CMC2: variants seen among roughly 807,000 people sequenced by gnomAD.
CMC2 encodes C-X9-C motif containing 2.
A neutral mutation model predicts 7.5 loss-of-function variants in CMC2; 5 were observed. The observed-to-expected ratio is 0.66, with a 90% CI of 0.35 to 1.40. The LOEUF is 1.40. Ranked by LOEUF, CMC2 falls within the 40% of genes most tolerant of loss-of-function variation. The pLI, the probability that CMC2 is intolerant of heterozygous loss-of-function variation, is 0.04. For synonymous variants in CMC2, 37 were observed against 31.4 expected (o/e 1.18, Z -0.60); for missense variants, 115 against 92.3 (o/e 1.25, Z -1.01).
chr16:80,997,185 A>C, intron 2 of CMC2, 129 bp downstream of exon 2: 1 of 661,246 alleles, frequency 1.5e-6, no homozygotes, highest in Non-Finnish European at 2.7e-6. Flanking sequence ...TCAACTGCTA[A>C]TCTTGACTAA....
rs1912018760 is a variant in CMC2 at position 80,972,774 on chromosome 16, GCA to G, written c.*3317_*3318del. On this transcript the variant is annotated 3_prime_UTR_variant, in exon 4 of 4. Transcript: ENST00000219400. ...AATCTCTTCCTTCACTTGGTATCCTGCACAGACCCTACAATGCCTTCCTGTTG... is the reference window on the plus strand; with the variant it reads ...AATCTCTTCCTTCACTTGGTATCCTGCAGACCCTACAATGCCTTCCTGTTG... The G allele has an allele frequency of 6.6e-6, 1 of 152,142 alleles. No individual in the cohort carries two copies. Among genetic ancestry groups the G allele is most frequent in the African/African-American group, 2.4e-5 (1 of 41,404 alleles). The allele number at this position is 152,142 out of a possible 1,614,324, so 9.4% of individuals were successfully genotyped here.
At chr16:80,996,251 T>A (rs1968406591) in intron 2 of CMC2, among the ~76,000 whole-genome samples, 1 of 152,222 alleles carries the variant, frequency 6.6e-6, no homozygotes, top group African/African-American at 2.4e-5. Context: ...ATAACAAGAC[T>A]GAAATGTTAT....
At chr16:80,994,213 G>A (rs563792649) in intron 2 of CMC2, among the ~76,000 whole-genome samples, 10 of 152,002 alleles carry the variant, frequency 6.6e-5, no homozygotes, top group African/African-American at 2.4e-4. Flanking sequence ...TCTCAGATAA[G>A]AATACACAAA....
At chr16:80,980,869 A>T (rs1378751282) in intron 3 of CMC2, 1 of 699,812 alleles carries the variant, frequency 1.4e-6, no homozygotes, top group Non-Finnish European at 2.6e-6. Context: ...CTTAGGTGAC[A>T]GAGCAAGAAC....
intron 3 of CMC2, among the ~76,000 whole-genome samples, chr16:80,976,838 C>T (rs1431269807): frequency 6.6e-6 from 1 of 152,170 alleles, no homozygotes; most frequent in Non-Finnish European, 1.5e-5. Flanking sequence ...ACCTTTTGCG[C>T]TGAACATTGC....
chr16:80,990,106 C>T (rs1328792441), intron 2 of CMC2, among the ~76,000 whole-genome samples: 2 of 76,026 alleles, frequency 2.6e-5, no homozygotes, highest in East Asian at 3.2e-4. Context: ...CATTCCCTCC[C>T]CTTTTTTTGA....
intron 2 of CMC2, 30 bp downstream of exon 2, chr16:80,997,284 G>C (rs1334690396): frequency 8.4e-7 from 1 of 1,186,236 alleles, no homozygotes; most frequent in Non-Finnish European, 1.3e-6. Context: ...GTTTCATTTT[G>C]GCTGTACAGT....
Position 80,969,239 on chromosome 16 carries a change from G to C in CMC2, c.*6854C>G, listed in dbSNP as rs1319361464. On this transcript the variant is annotated 3_prime_UTR_variant, in exon 4 of 4. Transcript: ENST00000219400. ...CTCATATCCCAAAATACAAATGAGT[G>C]AGGTGAGGACAGAGCATCAAGAGCC... 1 of 152,240 alleles carries C rather than the reference G, an allele frequency of 6.6e-6. No homozygotes were observed. The highest frequency in any genetic ancestry group is 1.5e-5 in the Non-Finnish European group (1 of 68,068). The allele number at this position is 152,240 out of a possible 1,614,324, so 9.4% of individuals were successfully genotyped here.
Position 80,976,030 on chromosome 16 carries a change from T to G in CMC2, c.*63A>C. On this transcript the variant is annotated 3_prime_UTR_variant, in exon 4 of 4. Transcript: ENST00000219400. ...TGGAGACCAAATAAGACAGGATTCT[T>G]TCAGGTATCAACCCAGAGTCTTTAG... 1 of 895,614 alleles carries G rather than the reference T, an allele frequency of 1.1e-6. No individual in the cohort carries two copies. The highest frequency in any genetic ancestry group is 2.5e-5 in the East Asian group (1 of 40,448). 55.5% of individuals were successfully genotyped at this position (895,614 alleles called of 1,614,324 possible). A position where few individuals can be genotyped will look rare whatever the true frequency, so the allele number is the denominator to read the frequency against.
chr16:80,989,606 G>T (rs1050400916), intron 2 of CMC2, among the ~76,000 whole-genome samples: 3 of 152,000 alleles, frequency 2.0e-5, no homozygotes, highest in Non-Finnish European at 4.4e-5. Context: ...ACGGAAGAGC[G>T]GTATTTAAAA....
At chr16:80,986,910 G>C (rs889312789) in intron 2 of CMC2, among the ~76,000 whole-genome samples, 1 of 152,232 alleles carries the variant, frequency 6.6e-6, no homozygotes, top group Non-Finnish European at 1.5e-5. Flanking sequence ...AACCAGGAAA[G>C]CGAATGATTT....
chr16:80,991,910 C>G (rs538771753), intron 2 of CMC2: 17 of 453,942 alleles, frequency 3.7e-5, no homozygotes, highest in Admixed American at 2.6e-4. Flanking sequence ...ATAACAGGAG[C>G]CTAAAGAGTG....
chr16:80,982,959 G>C (rs561096938), intron 2 of CMC2: 138 of 184,984 alleles, frequency 7.5e-4, no homozygotes, highest in African/African-American at 3.2e-3. Flanking sequence ...GGAAAAAGTT[G>C]AACTACTTGA....
At chr16:80,981,603 T>A (rs1401990416) in intron 3 of CMC2, among the ~76,000 whole-genome samples, 1 of 152,234 alleles carries the variant, frequency 6.6e-6, no homozygotes, top group African/African-American at 2.4e-5. Flanking sequence ...CTCATTTGTG[T>A]TCATGGCCAA....
In CMC2 at chr16:80,975,108, C is replaced by T. The variant is rs1469893561; in HGVS notation, c.*985G>A. ...CAGATTGTCACAGGTCTCAGAAACA[C>T]TTGGCAGAAGGAACACTGGTGAAAT... On this transcript the variant is annotated 3_prime_UTR_variant, in exon 4 of 4. Coordinates refer to ENST00000219400, the MANE Select transcript of CMC2 (RefSeq NM_020188.5). The T allele has an allele frequency of 2.6e-5, 4 of 152,460 alleles. No individual in the cohort carries two copies. Among genetic ancestry groups the T allele is most frequent in the Admixed American group, 1.3e-4 (2 of 15,312 alleles). 9.4% of individuals were successfully genotyped at this position (152,460 alleles called of 1,614,324 possible).
intron 1 of CMC2, chr16:80,999,026 C>G (rs1378955503): frequency 6.6e-6 from 1 of 152,170 alleles, no homozygotes; most frequent in East Asian, 1.9e-4. Context: ...CCCTTGAGGA[C>G]CGGAACAAGG....
chr16:80,988,912 C>A (rs749323974), intron 2 of CMC2, among the ~76,000 whole-genome samples: 1 of 151,984 alleles, frequency 6.6e-6, no homozygotes, highest in Non-Finnish European at 1.5e-5. Context: ...AGAGTACAGG[C>A]CAGTTATTTT....
In CMC2 at chr16:80,974,404, C is replaced by G. The variant is rs180922652; in HGVS notation, c.*1689G>C. On this transcript the variant is annotated 3_prime_UTR_variant, in exon 4 of 4. Coordinates refer to ENST00000219400, the MANE Select transcript of CMC2 (RefSeq NM_020188.5). ...TCAGCCTTCCAACTAACTCCTCTAC[C>G]CAAATCCCTAATCACCATATTAAAA... 1 of 152,284 alleles carries G rather than the reference C, an allele frequency of 6.6e-6. No individual in the cohort carries two copies. Among genetic ancestry groups the G allele is most frequent in the Non-Finnish European group, 1.5e-5 (1 of 68,030 alleles). 9.4% of individuals were successfully genotyped at this position (152,284 alleles called of 1,614,324 possible). A position where few individuals can be genotyped will look rare whatever the true frequency, so the allele number is the denominator to read the frequency against.
At chr16:81,004,054 C>A (rs1374499456) in intron 1 of CMC2, among the ~76,000 whole-genome samples, 1 of 152,146 alleles carries the variant, frequency 6.6e-6, no homozygotes, top group Non-Finnish European at 1.5e-5. Flanking sequence ...GAAACCCAGT[C>A]TCTACTAAAA....
Sources: allele counts gnomAD v4.1 joint callset (sites outside exome capture counted in the v4.1 genomes callset), GRCh38; gene constraint gnomAD v4.1.1; transcripts MANE v1.5; gene names NCBI Gene and HGNC (gene_info 2026-07-23, HGNC 2026-07-21).